FOCAD: variants seen among roughly 807,000 people sequenced by gnomAD.
FOCAD encodes KIAA1797.
FOCAD carries 198 observed loss-of-function variants against 225.6 expected under a neutral mutation model. The observed-to-expected ratio is 0.88, with a 90% confidence interval of 0.78 to 0.99. The LOEUF is 0.99. Ranked by LOEUF, FOCAD falls within the 50% of genes least tolerant of loss-of-function variation. FOCAD has a pLI of 0.00. For synonymous variants in FOCAD, 897 were observed against 755.0 expected (o/e 1.19, Z -3.08); for missense variants, 2,713 against 2,123.6 (o/e 1.28, Z -5.46).
intron 19 of FOCAD, among the ~76,000 whole-genome samples, chr9:20,877,468 T>C (rs1175633949): frequency 6.6e-6 from 1 of 152,122 alleles, no homozygotes; most frequent in Non-Finnish European, 1.5e-5. Flanking sequence ...CACAATAAAA[T>C]AGGCAAAGTA....
intron 1 of FOCAD, among the ~76,000 whole-genome samples, chr9:20,714,527 A>G (rs1825142301): frequency 6.6e-6 from 1 of 152,014 alleles, no homozygotes; most frequent in Non-Finnish European, 1.5e-5. Context: ...AATGGGATAA[A>G]TTGGGATCCT....
At chr9:20,827,107 T>G (rs997546407) in intron 15 of FOCAD, among the ~76,000 whole-genome samples, 1 of 152,106 alleles carries the variant, frequency 6.6e-6, no homozygotes, top group Non-Finnish European at 1.5e-5. Flanking sequence ...TTTAAGTATA[T>G]TCAGAGAGTT....
intron 10 of FOCAD, chr9:20,786,896 C>A: frequency 3.4e-6 from 1 of 293,730 alleles, no homozygotes; most frequent in South Asian, 3.2e-5. Flanking sequence ...TATTTTTAAA[C>A]ACCTACTTCC....
intron 1 of FOCAD, among the ~76,000 whole-genome samples, chr9:20,692,967 G>C (rs1823064391): frequency 6.6e-6 from 1 of 152,160 alleles, no homozygotes; most frequent in Non-Finnish European, 1.5e-5. Flanking sequence ...CTAATGGATT[G>C]CTTCTATCTT....
At chr9:20,701,398 G>A (rs1823930950) in intron 1 of FOCAD, among the ~76,000 whole-genome samples, 1 of 152,172 alleles carries the variant, frequency 6.6e-6, no homozygotes, top group South Asian at 2.1e-4. Context: ...TGCCAGCTAA[G>A]TACTCATTTG....
chr9:20,688,436 A>G (rs180927724), intron 1 of FOCAD, among the ~76,000 whole-genome samples: 1 of 152,162 alleles, frequency 6.6e-6, no homozygotes, highest in Non-Finnish European at 1.5e-5. Context: ...TATCAGATGT[A>G]TGGGGAGAAT....
chr9:20,989,312 T>G (rs1402088350), intron 41 of FOCAD, among the ~76,000 whole-genome samples: 1 of 152,234 alleles, frequency 6.6e-6, no homozygotes, highest in African/African-American at 2.4e-5. Flanking sequence ...TTGCGTGATC[T>G]GTCCTCTTTC....
At chr9:20,681,869 A>T (rs1265205358), upstream of FOCAD, among the ~76,000 whole-genome samples, 1 of 152,220 alleles carries the variant, frequency 6.6e-6, no homozygotes. Flanking sequence ...AATCGGTTCT[A>T]GGCTCCAAGT....
At chr9:20,969,118 G>T (rs1839534500) in intron 35 of FOCAD, among the ~76,000 whole-genome samples, 1 of 151,856 alleles carries the variant, frequency 6.6e-6, no homozygotes, top group Non-Finnish European at 1.5e-5. Context: ...CTATTCCATT[G>T]TGTTTATGAA....
intron 15 of FOCAD, among the ~76,000 whole-genome samples, chr9:20,843,473 C>CT (rs1826758572): frequency 2.6e-5 from 4 of 152,014 alleles, no homozygotes; most frequent in Admixed American, 2.0e-4. Flanking sequence ...TGCTGCTAGA[C>CT]TTATTGGAAC....
chr9:20,804,054 A>C (rs1407526436), intron 11 of FOCAD, among the ~76,000 whole-genome samples: 1 of 152,072 alleles, frequency 6.6e-6, no homozygotes, highest in Non-Finnish European at 1.5e-5. Context: ...ATAATGCCGA[A>C]CCATTTTCTG....
chr9:20,801,311 T>G (rs747599634), intron 11 of FOCAD, among the ~76,000 whole-genome samples: 3 of 152,114 alleles, frequency 2.0e-5, no homozygotes, highest in Non-Finnish European at 4.4e-5. Flanking sequence ...GCCGTTGAAA[T>G]TAGGAATGAC....
chr9:20,784,321 A>G (rs1477970968), intron 10 of FOCAD, among the ~76,000 whole-genome samples: 2 of 152,212 alleles, frequency 1.3e-5, no homozygotes, highest in Non-Finnish European at 2.9e-5. Flanking sequence ...TGTCTCTCCT[A>G]TGCTCTCTAT....
chr9:20,908,945 G>A (rs910076597), intron 22 of FOCAD, among the ~76,000 whole-genome samples: 1 of 151,964 alleles, frequency 6.6e-6, no homozygotes, highest in African/African-American at 2.4e-5. Flanking sequence ...AGGCTAACAT[G>A]CCCACTAGCA....
chr9:20,741,880 A>T (rs1167574106), intron 5 of FOCAD, among the ~76,000 whole-genome samples: 2 of 152,094 alleles, frequency 1.3e-5, no homozygotes, highest in Non-Finnish European at 2.9e-5. Flanking sequence ...AATTCAATTT[A>T]GTTGTTGTTA....
At chr9:20,895,969 G>A (rs1213331533) in intron 21 of FOCAD, among the ~76,000 whole-genome samples, 4 of 151,856 alleles carry the variant, frequency 2.6e-5, no homozygotes, top group Non-Finnish European at 5.9e-5. Context: ...GGGAATGCTT[G>A]TAGTTTCTCA....
chr9:20,714,634 GCCTTCCTTCCTT>G lies in FOCAD; in HGVS notation c.-32-632_-32-621del, dbSNP rs749635014. On this transcript the variant is annotated intron_variant, in intron 1 of 43. Coordinates refer to ENST00000338382, the MANE Select transcript of FOCAD (RefSeq NM_001375567.1). ...TGCCTGCCTGCCTGCCTGCCTGCCT[GCCTTCCTTCCTT>G]CCTTCCTTCCTTCCTTCCTTCCTTC... Among the ~76,000 whole-genome samples the G allele has an allele frequency of 7.6e-3, 914 of 120,034 alleles. 9 individuals carry two copies. Among genetic ancestry groups the G allele is most frequent in the African/African-American group, 0.011 (314 of 27,398 alleles). 78.7% of individuals were successfully genotyped at this position (120,034 alleles called of 152,430 possible).
At chr9:20,951,231 A>G in intron 34 of FOCAD, 133 bp downstream of exon 34, 1 of 680,960 alleles carries the variant, frequency 1.5e-6, no homozygotes, top group Non-Finnish European at 2.5e-6. Context: ...TTTACGTCAG[A>G]GGGAAATGGT....
At chr9:20,725,410 A>G (rs541192373) in intron 4 of FOCAD, among the ~76,000 whole-genome samples, 1 of 152,356 alleles carries the variant, frequency 6.6e-6, no homozygotes, top group African/African-American at 2.4e-5. Flanking sequence ...CTTCTAGCCT[A>G]CTATCCTTCA....
Sources: gnomAD v4.1 joint callset for allele counts (sites outside exome capture counted in the v4.1 genomes callset) on GRCh38, gnomAD v4.1.1 for gene constraint, MANE v1.5 for transcripts, NCBI Gene and HGNC (gene_info 2026-07-23, HGNC 2026-07-21) for gene names.